RAPGEF4: variants seen among roughly 807,000 people sequenced by gnomAD.
RAPGEF4 encodes the protein RAP guanine-nucleotide-exchange factor (GEF) 4.
RAPGEF4 carries 66 observed loss-of-function variants against 147.9 expected under a neutral mutation model. The observed-to-expected ratio is 0.45, with a 90% CI of 0.37 to 0.55. The LOEUF (loss-of-function observed/expected upper bound fraction) is 0.55. Among genes scored for constraint, RAPGEF4 ranks in the 20% least tolerant of loss-of-function variants. The pLI, the probability that RAPGEF4 is intolerant of heterozygous loss-of-function variation, is 0.00. For synonymous variants in RAPGEF4, 419 were observed against 442.7 expected (o/e 0.95, Z 0.67); for missense variants, 1,071 against 1,257.3 (o/e 0.85, Z 2.24).
intron 25 of RAPGEF4, among the ~76,000 whole-genome samples, chr2:173,027,581 G>A (rs1177526827): frequency 6.6e-6 from 1 of 152,030 alleles, no homozygotes; most frequent in Non-Finnish European, 1.5e-5. Flanking sequence ...CTTATACTTC[G>A]AAAGTTCAGT....
chr2:172,976,270 G>A (rs1417914629), intron 10 of RAPGEF4, among the ~76,000 whole-genome samples: 1 of 152,154 alleles, frequency 6.6e-6, no homozygotes, highest in African/African-American at 2.4e-5. Flanking sequence ...TAAATGTGCA[G>A]TCACCAGGTT....
intron 6 of RAPGEF4, among the ~76,000 whole-genome samples, chr2:172,934,494 A>G (rs962494575): frequency 1.3e-5 from 2 of 152,096 alleles, no homozygotes; most frequent in Admixed American, 6.5e-5. Flanking sequence ...TTAAGTTTCT[A>G]CTGTGTGCCA....
At chr2:172,855,608 A>G (rs1422677716) in intron 4 of RAPGEF4, among the ~76,000 whole-genome samples, 1 of 152,152 alleles carries the variant, frequency 6.6e-6, no homozygotes, top group Non-Finnish European at 1.5e-5. Flanking sequence ...GTTTCAAGTA[A>G]TGCAGGTCTG....
chr2:172,805,443 A>G (rs1393365138), intron 3 of RAPGEF4, among the ~76,000 whole-genome samples: 2 of 152,176 alleles, frequency 1.3e-5, no homozygotes, highest in Non-Finnish European at 2.9e-5. Context: ...TCACTACTCT[A>G]TAAAATGAAA....
intron 1 of RAPGEF4, among the ~76,000 whole-genome samples, chr2:172,793,235 G>A (rs1347701785): frequency 6.6e-6 from 1 of 151,926 alleles, no homozygotes; most frequent in African/African-American, 2.4e-5. Flanking sequence ...ATTAGATTAG[G>A]GCCAACCATA....
intron 4 of RAPGEF4, among the ~76,000 whole-genome samples, chr2:172,843,362 G>A (rs991269165): frequency 5.3e-5 from 8 of 152,154 alleles, no homozygotes; most frequent in South Asian, 2.1e-4. Context: ...AGAATTTGCC[G>A]GGGGCAAGTC....
In RAPGEF4 at chr2:173,039,609, G is replaced by A. The variant is rs571575272; in HGVS notation, c.2853+2917G>A. Among the ~76,000 whole-genome samples the A allele has an allele frequency of 8.7e-4, 132 of 152,284 alleles. 2 individuals are homozygous for A. The highest frequency in any genetic ancestry group is 3.0e-3 in the African/African-American group (126 of 41,552). ...CACTCCAACCACAGGGAAAGGGAAAGGAGAAGGTGAAGGCATGCTTCATCC... is the reference window on the plus strand; with the variant it reads ...CACTCCAACCACAGGGAAAGGGAAAAGAGAAGGTGAAGGCATGCTTCATCC... On this transcript the variant is annotated intron_variant, in intron 29 of 30. Transcript: ENST00000397081.
chr2:172,980,308 G>T (rs1300506916), intron 10 of RAPGEF4, among the ~76,000 whole-genome samples: 1 of 152,126 alleles, frequency 6.6e-6, no homozygotes. Flanking sequence ...GAGTTATCTA[G>T]GAAGAGATGG....
At chr2:172,843,340 T>A (rs1379384219) in intron 4 of RAPGEF4, among the ~76,000 whole-genome samples, 2 of 152,230 alleles carry the variant, frequency 1.3e-5, no homozygotes, top group Non-Finnish European at 2.9e-5. Flanking sequence ...AGATGGGCAG[T>A]AGTTTTCCAA....
At chr2:173,014,636 C>G (rs1011318404) in intron 18 of RAPGEF4, 22 bp downstream of exon 18, 11 of 1,607,090 alleles carry the variant, frequency 6.8e-6, no homozygotes, top group Non-Finnish European at 7.7e-6. Context: ...TCATCTCTTC[C>G]AAGAATATAC....
At chr2:172,826,428 A>T (rs1689675967) in intron 4 of RAPGEF4, among the ~76,000 whole-genome samples, 4 of 152,114 alleles carry the variant, frequency 2.6e-5, no homozygotes, top group African/African-American at 9.7e-5. Context: ...ATCTGTTTGG[A>T]GGGTGTTTTT....
chr2:172,888,763 T>C (rs2149891933), intron 4 of RAPGEF4, among the ~76,000 whole-genome samples: 1 of 152,336 alleles, frequency 6.6e-6, no homozygotes, highest in South Asian at 2.1e-4. Flanking sequence ...GTCTCCTTTT[T>C]CATGAAAGAT....
chr2:172,942,721 A>C (rs1037566649), intron 6 of RAPGEF4, among the ~76,000 whole-genome samples: 3 of 152,174 alleles, frequency 2.0e-5, no homozygotes, highest in Non-Finnish European at 4.4e-5. Context: ...TAGTTGCTAC[A>C]TTTTTAAAGA....
intron 4 of RAPGEF4, among the ~76,000 whole-genome samples, chr2:172,871,203 T>C (rs1256108171): frequency 6.6e-6 from 1 of 152,238 alleles, no homozygotes; most frequent in African/African-American, 2.4e-5. Flanking sequence ...GCACGAGGCT[T>C]TCTTGTTCAG....
chr2:172,841,809 CACACACACT>C (rs1216416528), intron 4 of RAPGEF4, among the ~76,000 whole-genome samples: 64 of 137,338 alleles, frequency 4.7e-4, no homozygotes, highest in East Asian at 2.2e-3. Context: ...CACACACACA[CACACACACT>C]ACACACACAC....
intron 4 of RAPGEF4, among the ~76,000 whole-genome samples, chr2:172,917,139 A>C (rs987571880): frequency 6.6e-6 from 1 of 152,202 alleles, no homozygotes; most frequent in African/African-American, 2.4e-5. Flanking sequence ...TCCTGGGGCT[A>C]ATACCTTATG....
chr2:172,823,477 T>C (rs1218789827), intron 4 of RAPGEF4, among the ~76,000 whole-genome samples: 2 of 152,202 alleles, frequency 1.3e-5, no homozygotes, highest in Non-Finnish European at 2.9e-5. Context: ...GCAGTTCTAG[T>C]TGGGAAAGCT....
intron 30 of RAPGEF4, among the ~76,000 whole-genome samples, chr2:173,051,154 A>G (rs1476702359): frequency 2.6e-5 from 4 of 152,198 alleles, no homozygotes; most frequent in Non-Finnish European, 5.9e-5. Context: ...TACTGTGTGC[A>G]AGTAAAGAGG....
Position 172,990,908 on chromosome 2 carries a change from C to G in RAPGEF4, c.1473C>G (p.Asn491Lys), listed in dbSNP as rs1327036329. 6.2e-7 allele frequency: 1 copy of G among 1,613,180 alleles called. No individual in the cohort carries two copies. Residue 491 changes from asparagine to lysine, a missense_variant, in exon 15 of 31, where the codon AAC (asparagine) becomes AAG (lysine). Transcript: ENST00000397081. Reference protein sequence around the residue: ...PAGNRASNQGNSQPQQKYTVM... With the variant: ...PAGNRASNQGKSQPQQKYTVM... Reference sequence around the variant, plus strand: ...GGAACAGAGCTTCTAATCAAGGAAACTCACAGCCTCAGCAAAAGTATGTTT... The same window carrying G: ...GGAACAGAGCTTCTAATCAAGGAAAGTCACAGCCTCAGCAAAAGTATGTTT...
Sources: allele counts gnomAD v4.1 joint callset (sites outside exome capture counted in the v4.1 genomes callset), GRCh38; gene constraint gnomAD v4.1.1; transcripts MANE v1.5; gene names NCBI Gene and HGNC (gene_info 2026-07-23, HGNC 2026-07-21).